Variants in CBLB observed in about 807,000 individuals in gnomAD.
CBLB encodes the protein E3 ubiquitin-protein ligase CBL-B.
CBLB carries 31 observed loss-of-function variants against 104.9 expected under a neutral mutation model. That is an observed-to-expected ratio of 0.30 (90% CI 0.22 to 0.40). CBLB has a LOEUF of 0.40. Ranked by LOEUF, CBLB falls within the 10% of genes least tolerant of loss-of-function variation. CBLB has a pLI of 1.00. For missense variants in CBLB, 1,062 were observed against 1,214.6 expected (o/e 0.87, Z 1.87); for synonymous variants, 440 against 422.6 (o/e 1.04, Z -0.51).
At chr3:105,802,672 C>T (rs553854928) in intron 3 of CBLB, among the ~76,000 whole-genome samples, 106 of 152,258 alleles carry the variant, frequency 7.0e-4, no homozygotes, top group South Asian at 3.3e-3. Flanking sequence ...GGAAGATGTA[C>T]AGCTGGCTCC....
intron 9 of CBLB, among the ~76,000 whole-genome samples, chr3:105,723,095 T>C (rs2073115577): frequency 1.3e-5 from 2 of 152,166 alleles, no homozygotes; most frequent in Non-Finnish European, 2.9e-5. Flanking sequence ...TATGACTTCA[T>C]CCATCACACT....
intron 3 of CBLB, among the ~76,000 whole-genome samples, chr3:105,779,364 T>C (rs2079864050): frequency 6.6e-6 from 1 of 152,202 alleles, no homozygotes; most frequent in Admixed American, 6.5e-5. Context: ...TATGCTTCTA[T>C]TTTCTTGCTT....
At chr3:105,712,981 A>C (rs574964974) in intron 10 of CBLB, among the ~76,000 whole-genome samples, 2 of 152,232 alleles carry the variant, frequency 1.3e-5, no homozygotes, top group African/African-American at 4.8e-5. Context: ...ACTAGTATAA[A>C]AAATGTGGCC....
At chr3:105,789,945 A>T (rs1036591273) in intron 3 of CBLB, among the ~76,000 whole-genome samples, 1 of 152,164 alleles carries the variant, frequency 6.6e-6, no homozygotes, top group African/African-American at 2.4e-5. Context: ...TCATTACAAT[A>T]CTTTTAAGAA....
At chr3:105,697,462 C>G (rs541243571) in intron 12 of CBLB, among the ~76,000 whole-genome samples, 2 of 151,976 alleles carry the variant, frequency 1.3e-5, no homozygotes, top group African/African-American at 4.8e-5. Flanking sequence ...AAAAATCTTA[C>G]AAAACACAAG....
At chr3:105,766,780 A>T (rs77429744) in intron 4 of CBLB, among the ~76,000 whole-genome samples, 2,665 of 152,318 alleles carry the variant, frequency 0.017, 69 homozygotes, top group African/African-American at 0.06. Flanking sequence ...TATGCACTTC[A>T]TTGCGATGTA....
Position 105,681,775 on chromosome 3 carries a change from G to T in CBLB, c.2245C>A (p.Pro749Thr). ...ATGTTTGATTTCTTCTCTGAAGATG[G>T]ACCATGTGTTCCATTCAGCATACAG... ...GHCMLNGTHG[P>T]SSEKKSNIPD... The change falls in exon 15 of 19, where the codon CCA becomes ACA. Residue 749 changes from proline (P) to threonine (T), a missense_variant. Physicochemically the swap from Pro to Thr is conservative, Grantham distance 38. Around this residue, in one of 2 missense-constraint regions of CBLB, gnomAD observed 605 missense variants for 582.6 expected, o/e 1.04. Transcript: ENST00000394030. 1 of 1,611,210 alleles carries T rather than the reference G, an allele frequency of 6.2e-7. No individual in the cohort carries two copies. Among genetic ancestry groups the T allele is most frequent in the South Asian group, 1.1e-5 (1 of 91,004 alleles).
intron 14 of CBLB, chr3:105,682,220 A>G (rs1409794483): frequency 6.0e-6 from 1 of 166,008 alleles, no homozygotes; most frequent in Non-Finnish European, 1.3e-5. Context: ...ATAGTATTTA[A>G]TATCATATTT....
At chr3:105,786,067 G>GGGA (rs1553794770) in intron 3 of CBLB, among the ~76,000 whole-genome samples, 1 of 102,780 alleles carries the variant, frequency 9.7e-6, no homozygotes, top group Non-Finnish European at 2.0e-5. Context: ...GGATCGGGGG[G>GGGA]GGGAAAGTGG....
Position 105,751,736 on chromosome 3 carries a change from C to T in CBLB, c.567-118G>A. 3 of 780,376 alleles carry T rather than the reference C, an allele frequency of 3.8e-6. No individual in the cohort carries two copies. In the South Asian group the frequency reaches 4.5e-5, roughly 12 times the overall value. The allele number at this position is 780,376 out of a possible 1,614,324, so 48.3% of individuals were successfully genotyped here. A position where few individuals can be genotyped will look rare whatever the true frequency, so the allele number is the denominator to read the frequency against. On this transcript the variant is annotated intron_variant, in intron 4 of 18. Transcript: ENST00000394030. ...ATATAATTGTATTTGTACTACCAGA[C>T]AAATATTTGAGAATATTGTTCATAT...
chr3:105,689,129 A>C (rs1359565788), intron 13 of CBLB, among the ~76,000 whole-genome samples: 1 of 151,974 alleles, frequency 6.6e-6, no homozygotes, highest in East Asian at 1.9e-4. Context: ...AGCTGACAAT[A>C]TACAATATAG....
chr3:105,775,800 C>T (rs2079390339), intron 4 of CBLB, among the ~76,000 whole-genome samples: 1 of 152,196 alleles, frequency 6.6e-6, no homozygotes, highest in Non-Finnish European at 1.5e-5. Context: ...AACTACTTTG[C>T]AACAGACTAC....
chr3:105,805,447 G>A (rs2083382705), intron 3 of CBLB, among the ~76,000 whole-genome samples: 1 of 152,058 alleles, frequency 6.6e-6, no homozygotes, highest in African/African-American at 2.4e-5. Context: ...TGGGATTACA[G>A]GCATGTGCCA....
chr3:105,681,789 T>C lies in CBLB; in HGVS notation c.2231A>G (p.Asn744Ser). 1 of 1,610,330 alleles carries C rather than the reference T, an allele frequency of 6.2e-7. No homozygotes were observed. Among genetic ancestry groups the C allele is most frequent in the South Asian group, 1.1e-5 (1 of 91,000 alleles). Residue 744 changes from asparagine to serine, a missense_variant, in exon 15 of 19, where the codon AAT becomes AGT. By Grantham distance (46) the Asn-to-Ser change is conservative (BLOSUM62 1). This residue lies in a region of CBLB where 605 missense variants were observed against 582.6 expected (regional missense o/e 1.04). Coordinates refer to ENST00000394030, the MANE Select transcript of CBLB (RefSeq NM_170662.5). ...CTCTGAAGATGGACCATGTGTTCCA[T>C]TCAGCATACAGTGACCATTATCACA... Reference protein sequence around the residue: ...RSCDNGHCMLNGTHGPSSEKK... With the variant: ...RSCDNGHCMLSGTHGPSSEKK...
chr3:105,845,567 C>A (rs996016153), intron 3 of CBLB, among the ~76,000 whole-genome samples: 4 of 150,634 alleles, frequency 2.7e-5, no homozygotes, highest in Non-Finnish European at 4.4e-5. Context: ...AAAAAAAAAA[C>A]TTTCACTTTT....
chr3:105,768,477 T>C (rs2078473665), intron 4 of CBLB, among the ~76,000 whole-genome samples: 1 of 152,200 alleles, frequency 6.6e-6, no homozygotes, highest in Non-Finnish European at 1.5e-5. Flanking sequence ...TACTCATACA[T>C]TCAACTAATA....
In CBLB at chr3:105,658,380, G is replaced by A. The variant is rs1021237050; in HGVS notation, c.*590C>T. ...GTTTCCAAAGAAGAAACTCAGTAGTGAAGAATACATACTTTTTTTTTTTTG... is the reference window on the plus strand; with the variant it reads ...GTTTCCAAAGAAGAAACTCAGTAGTAAAGAATACATACTTTTTTTTTTTTG... On this transcript the variant is annotated 3_prime_UTR_variant, in exon 19 of 19. Transcript: ENST00000394030. The A allele has an allele frequency of 5.5e-5, 12 of 220,116 alleles. No individual in the cohort carries two copies. Among genetic ancestry groups the A allele is most frequent in the Non-Finnish European group, 1.1e-4 (12 of 110,804 alleles). The allele number at this position is 220,116 out of a possible 1,614,324, so 13.6% of individuals were successfully genotyped here.
At chr3:105,767,906 TCTG>T (rs1318222582) in intron 4 of CBLB, among the ~76,000 whole-genome samples, 1 of 152,182 alleles carries the variant, frequency 6.6e-6, no homozygotes, top group African/African-American at 2.4e-5. Flanking sequence ...GGACAGATAA[TCTG>T]GCTGCAGAGC....
chr3:105,837,799 T>C (rs371458649), intron 3 of CBLB, among the ~76,000 whole-genome samples: 6 of 152,192 alleles, frequency 3.9e-5, no homozygotes, highest in African/African-American at 1.4e-4. Context: ...CCAGTACTCA[T>C]TCCCAAATGT....
Sources: gnomAD v4.1 joint callset for allele counts (sites outside exome capture counted in the v4.1 genomes callset) on GRCh38, gnomAD v4.1.1 for gene constraint, gnomAD v4.1.1 regional missense constraint, MANE v1.5 for transcripts, NCBI Gene and HGNC (gene_info 2026-07-23, HGNC 2026-07-21) for gene names.